Variants in PARVB observed in about 807,000 individuals in gnomAD.
The protein encoded by PARVB is parvin beta.
Under a neutral mutation model 47.0 loss-of-function variants are expected in PARVB, and 46 were observed. The observed-to-expected ratio is 0.98, with a 90% CI of 0.77 to 1.25. The LOEUF (loss-of-function observed/expected upper bound fraction) is 1.25, where lower values mean the gene tolerates loss of function less well. Among genes scored for constraint, PARVB ranks in the 50% most tolerant of loss-of-function variants. The probability of loss-of-function intolerance (pLI) is 0.00; values close to 1 mark genes in which losing one functional copy is unlikely to be tolerated. For synonymous variants in PARVB, 196 were observed against 196.3 expected (o/e 1.00, Z 0.01); for missense variants, 473 against 471.6 (o/e 1.00, Z -0.03).
intron 4 of PARVB, among the ~76,000 whole-genome samples, chr22:44,121,326 C>G (rs2053042314): frequency 6.6e-6 from 1 of 152,108 alleles, no homozygotes; most frequent in Non-Finnish European, 1.5e-5. Context: ...AATACATGGT[C>G]TCTAGAGGGG....
chr22:44,167,926 C>G (rs2054205599), intron 12 of PARVB: 1 of 152,656 alleles, frequency 6.6e-6, no homozygotes, highest in African/African-American at 2.4e-5. Context: ...GTGACAAGGA[C>G]AGTTGCTGAT....
chr22:44,106,195 G>C (rs1235618339), intron 3 of PARVB: 3 of 149,984 alleles, frequency 2.0e-5, no homozygotes, highest in Non-Finnish European at 2.9e-5. Context: ...AGATGGCAGG[G>C]AGGAGGCTCT....
chr22:43,999,671 G>A (rs1456553839), exon 2 of PARVB: 3 of 1,612,436 alleles, frequency 1.9e-6, no homozygotes, highest in Non-Finnish European at 2.5e-6. Context: ...GCTCAAGGAG[G>A]AGGTAAGTTT....
At chr22:44,158,983 A>C (rs1391060214) in intron 11 of PARVB, among the ~76,000 whole-genome samples, 1 of 152,052 alleles carries the variant, frequency 6.6e-6, no homozygotes, top group African/African-American at 2.4e-5. Flanking sequence ...CTTGTGGCCA[A>C]ATGTTGTTCC....
intron 2 of PARVB, among the ~76,000 whole-genome samples, chr22:44,018,049 C>T (rs577431965): frequency 6.6e-6 from 1 of 152,156 alleles, no homozygotes; most frequent in East Asian, 1.9e-4. Flanking sequence ...CCCCAGGATA[C>T]AGAGAGTACC....
intron 2 of PARVB, among the ~76,000 whole-genome samples, chr22:44,013,963 T>G (rs2050551480): frequency 1.3e-5 from 2 of 152,170 alleles, no homozygotes; most frequent in African/African-American, 4.8e-5. Flanking sequence ...AAGATTTTTC[T>G]CAGCACTCTG....
In PARVB at chr22:44,123,499, C is replaced by T. The variant is rs549387137; in HGVS notation, c.376+4359C>T. Among the ~76,000 whole-genome samples, 11 of 152,270 alleles carry T rather than the reference C, an allele frequency of 7.2e-5. No homozygotes were observed. In the South Asian group the frequency reaches 2.1e-3, roughly 29 times the overall value. On this transcript the variant is annotated intron_variant, in intron 4 of 12. Transcript: ENST00000338758. Reference sequence around the variant, plus strand: ...TACAATCATGGCTCACTGCAGCTTCCACTTCCTGGGCTCAGGTGATTCTCC... The same window carrying T: ...TACAATCATGGCTCACTGCAGCTTCTACTTCCTGGGCTCAGGTGATTCTCC...
upstream of PARVB, among the ~76,000 whole-genome samples, chr22:44,021,931 C>A (rs6006620): frequency 0.014 from 2,156 of 152,180 alleles, 59 homozygotes; most frequent in African/African-American, 0.05. Context: ...CAGATTTGCC[C>A]GTGCAGCCTC....
intron 1 of PARVB, among the ~76,000 whole-genome samples, chr22:44,079,062 G>A (rs541510935): frequency 6.6e-6 from 1 of 152,182 alleles, no homozygotes; most frequent in African/African-American, 2.4e-5. Flanking sequence ...GCAGTAGAGA[G>A]AATGGTAGAG....
At chr22:44,034,072 A>AATATAT (rs141630951) in intron 1 of PARVB, among the ~76,000 whole-genome samples, 17 of 149,096 alleles carry the variant, frequency 1.1e-4, no homozygotes, top group African/African-American at 3.2e-4. Context: ...GAATTTGAAG[A>AATATAT]ATATATATAT....
At chr22:44,077,622 G>C (rs533699893) in intron 1 of PARVB, among the ~76,000 whole-genome samples, 1 of 152,324 alleles carries the variant, frequency 6.6e-6, no homozygotes, top group Non-Finnish European at 1.5e-5. Context: ...GTGACGGGGA[G>C]TCGCCAGGTG....
At chr22:44,050,595 C>T (rs1363711703) in intron 1 of PARVB, among the ~76,000 whole-genome samples, 1 of 152,148 alleles carries the variant, frequency 6.6e-6, no homozygotes, top group African/African-American at 2.4e-5. Context: ...ACCTCAGCCT[C>T]CTAAAGTGCT....
At chr22:44,052,314 C>A (rs2051224684) in intron 1 of PARVB, among the ~76,000 whole-genome samples, 1 of 152,176 alleles carries the variant, frequency 6.6e-6, no homozygotes, top group Non-Finnish European at 1.5e-5. Context: ...CACAGGCAGG[C>A]AGGGCTGGAC....
At chr22:44,018,503 G>A (rs906448299) in intron 2 of PARVB, among the ~76,000 whole-genome samples, 14 of 152,156 alleles carry the variant, frequency 9.2e-5, no homozygotes, top group African/African-American at 2.9e-4. Flanking sequence ...AACCCTCTGA[G>A]ATCTTCCACC....
intron 1 of PARVB, among the ~76,000 whole-genome samples, chr22:44,025,343 A>G (rs1413998149): frequency 6.6e-6 from 1 of 151,752 alleles, no homozygotes; most frequent in Non-Finnish European, 1.5e-5. Context: ...GGATTAGTGT[A>G]CCCCGGGATG....
At chr22:44,168,415 C>T (rs1275169702) in intron 12 of PARVB, 187 bp from the exon 13 acceptor site, 3 of 574,470 alleles carry the variant, frequency 5.2e-6, no homozygotes, top group Non-Finnish European at 9.4e-6. Context: ...GGAGCTCTCA[C>T]AAAACCTGTG....
intron 1 of PARVB, among the ~76,000 whole-genome samples, chr22:44,066,861 T>TTTCTTCTTTCTTCTTTCTTTTTC: frequency 8.2e-6 from 1 of 122,304 alleles, no homozygotes; most frequent in Admixed American, 9.0e-5. Flanking sequence ...CTTCCTTTTT[T>TTTCTTCTTTCTTCTTTCTTTTTC]TTCTTCTTTC....
intron 3 of PARVB, chr22:44,115,646 C>A (rs1163780594): frequency 1.4e-5 from 1 of 71,956 alleles, no homozygotes; most frequent in Non-Finnish European, 2.5e-5. Flanking sequence ...TAACTAAGGC[C>A]CTGCACCAGA....
intron 1 of PARVB, among the ~76,000 whole-genome samples, chr22:44,029,950 C>T (rs768389069): frequency 6.6e-5 from 10 of 152,054 alleles, no homozygotes; most frequent in Non-Finnish European, 1.0e-4. Flanking sequence ...TAGGTAGCTG[C>T]GACATTGAAC....
Sources: gnomAD v4.1 joint callset for allele counts (sites outside exome capture counted in the v4.1 genomes callset) on GRCh38, gnomAD v4.1.1 for gene constraint, MANE v1.5 for transcripts, NCBI Gene and HGNC (gene_info 2026-07-23, HGNC 2026-07-21) for gene names.